Variants in TCF7L2 observed in about 807,000 individuals in gnomAD.
TCF7L2 encodes the protein transcription factor 7-like 2.
A neutral mutation model predicts 77.9 loss-of-function variants in TCF7L2; 23 were observed. The ratio of observed to expected loss-of-function variants is 0.30; its 90% CI spans 0.21 to 0.42. The LOEUF (loss-of-function observed/expected upper bound fraction) is 0.42, where lower values mean the gene tolerates loss of function less well. TCF7L2 is among the 10% of genes least tolerant of loss of function. The pLI is 1.00. For synonymous variants in TCF7L2, 413 were observed against 340.2 expected (o/e 1.21, Z -2.36); for missense variants, 654 against 793.1 (o/e 0.82, Z 2.11).
At chr10:113,066,210 A>G (rs2057235953) in intron 5 of TCF7L2, among the ~76,000 whole-genome samples, 1 of 152,126 alleles carries the variant, frequency 6.6e-6, no homozygotes, top group Non-Finnish European at 1.5e-5. Context: ...TAAAAATAAA[A>G]AAAATTTAGC....
intron 4 of TCF7L2, among the ~76,000 whole-genome samples, chr10:113,022,880 T>C (rs2048477416): frequency 6.6e-6 from 1 of 152,218 alleles, no homozygotes; most frequent in Non-Finnish European, 1.5e-5. Flanking sequence ...TTTTATATCC[T>C]CTTAGCCCAA....
At chr10:113,071,669 G>A (rs2058036084) in intron 5 of TCF7L2, among the ~76,000 whole-genome samples, 1 of 152,194 alleles carries the variant, frequency 6.6e-6, no homozygotes, top group Non-Finnish European at 1.5e-5. Context: ...TGCCTGGACT[G>A]CAACCAAGCT....
intron 4 of TCF7L2, among the ~76,000 whole-genome samples, chr10:113,007,144 A>T (rs985288796): frequency 3.3e-5 from 5 of 152,120 alleles, no homozygotes; most frequent in Non-Finnish European, 7.4e-5. Context: ...GGATGATTGG[A>T]TGGGGGCACG....
intron 5 of TCF7L2, among the ~76,000 whole-genome samples, chr10:113,088,692 C>G (rs920005204): frequency 1.3e-5 from 2 of 152,100 alleles, no homozygotes; most frequent in Non-Finnish European, 2.9e-5. Flanking sequence ...CATGGTGCCG[C>G]TTGCCTGAGA....
chr10:113,138,740 T>G (rs898696207), intron 5 of TCF7L2, among the ~76,000 whole-genome samples: 4 of 152,214 alleles, frequency 2.6e-5, no homozygotes, highest in Non-Finnish European at 5.9e-5. Flanking sequence ...CATGGCTCTT[T>G]GCCTCTGTGC....
intron 5 of TCF7L2, among the ~76,000 whole-genome samples, chr10:113,123,071 C>T (rs2065044369): frequency 6.6e-6 from 1 of 152,282 alleles, no homozygotes; most frequent in Admixed American, 6.5e-5. Flanking sequence ...GGATCAAAGG[C>T]GCTTGCTTTA....
intron 4 of TCF7L2, among the ~76,000 whole-genome samples, chr10:112,997,492 G>GATAGGCAC (rs2043689650): frequency 6.6e-6 from 1 of 152,232 alleles, no homozygotes; most frequent in South Asian, 2.1e-4. Flanking sequence ...GCCATCCAAT[G>GATAGGCAC]ATAGGCACTT....
At chr10:113,075,268 G>A in intron 5 of TCF7L2, among the ~76,000 whole-genome samples, 1 of 152,158 alleles carries the variant, frequency 6.6e-6, no homozygotes, top group Non-Finnish European at 1.5e-5. Flanking sequence ...AGACCAGCCT[G>A]GCCAACATGG....
chr10:113,027,755 C>T (rs910777548), intron 4 of TCF7L2, among the ~76,000 whole-genome samples: 2 of 152,114 alleles, frequency 1.3e-5, no homozygotes, highest in East Asian at 3.9e-4. Context: ...TTTCGACCCT[C>T]CTTCCTCCCT....
At chr10:113,104,438 C>T (rs2062018925) in intron 5 of TCF7L2, among the ~76,000 whole-genome samples, 1 of 152,096 alleles carries the variant, frequency 6.6e-6, no homozygotes, top group Non-Finnish European at 1.5e-5. Context: ...CATCTGGACA[C>T]CAGGGAGGGG....
rs113801736 is a variant in TCF7L2, at chr10:113,087,032, C to A, written c.552+46906C>A. On this transcript the variant is annotated intron_variant, in intron 5 of 13. Transcript: ENST00000627217. ...AAAAAAAAAAGGGCAATAAGTGTAG[C>A]CCAGTAACATAAGGTGGGGAATAAG... is the stretch of plus-strand genomic sequence containing the variant. Among the ~76,000 whole-genome samples, 1,047 of 152,126 alleles carry A rather than the reference C, an allele frequency of 6.9e-3. 11 individuals are homozygous for A. Among genetic ancestry groups the A allele is most frequent in the African/African-American group, 0.025 (1,016 of 41,460 alleles).
In TCF7L2 at chr10:112,951,743, C is replaced by A. The variant is rs557285830; in HGVS notation, c.381+136C>A. ...CCTCCCCTCCCTCCCTCCCCTCCCC[C>A]GCTCGTGGCCCAGGAGGCCCGAAAC... On this transcript the variant is annotated intron_variant, in intron 3 of 13. Coordinates refer to ENST00000627217, the MANE Select transcript of TCF7L2 (RefSeq NM_001146274.2). 1.5e-4 allele frequency: 50 copies of A among 325,870 alleles called. No homozygotes were observed. The South Asian group carries it at 5.3e-3, about 35-fold the overall frequency. The allele number at this position is 325,870 out of a possible 1,614,324, so 20.2% of individuals were successfully genotyped here. A position where few individuals can be genotyped will look rare whatever the true frequency, so the allele number is the denominator to read the frequency against.
At chr10:113,023,599 G>A (rs1476191166) in intron 4 of TCF7L2, among the ~76,000 whole-genome samples, 1 of 152,160 alleles carries the variant, frequency 6.6e-6, no homozygotes, top group Non-Finnish European at 1.5e-5. Flanking sequence ...AGCCTCCCCA[G>A]TAGCTGGGAC....
chr10:113,007,073 A>G (rs1564775756), intron 4 of TCF7L2, among the ~76,000 whole-genome samples: 3 of 152,196 alleles, frequency 2.0e-5, no homozygotes, highest in Admixed American at 1.3e-4. Flanking sequence ...CTTGTGTATT[A>G]CCTGGGATGA....
chr10:113,075,131 C>T (rs1179804698), intron 5 of TCF7L2, among the ~76,000 whole-genome samples: 1 of 152,142 alleles, frequency 6.6e-6, no homozygotes, highest in Admixed American at 6.5e-5. Context: ...GCTGGGATTA[C>T]AGGTATAAGC....
At chr10:113,094,243 A>G in intron 5 of TCF7L2, among the ~76,000 whole-genome samples, 1 of 152,340 alleles carries the variant, frequency 6.6e-6, no homozygotes, top group East Asian at 1.9e-4. Flanking sequence ...TGGTGAGAGG[A>G]AATGAAACTT....
chr10:113,167,074 C>G lies in TCF7L2; in HGVS notation c.*1102C>G, dbSNP rs731788. 5.2e-3 allele frequency: 1,201 copies of G among 230,806 alleles called. 12 individuals are homozygous for G. Among genetic ancestry groups the G allele is most frequent in the African/African-American group, 0.024 (1,096 of 45,312 alleles). 14.3% of individuals were successfully genotyped at this position (230,806 alleles called of 1,614,324 possible). A position where few individuals can be genotyped will look rare whatever the true frequency, so the allele number is the denominator to read the frequency against. ...TGACCGTGTACAAAACTTTACGTGC[C>G]AAAATTCTCAGTGAATTTAGCTTTC... On this transcript the variant is annotated 3_prime_UTR_variant, in exon 14 of 14. Coordinates refer to ENST00000627217, the MANE Select transcript of TCF7L2 (RefSeq NM_001146274.2).
At chr10:113,043,655 A>T (rs1396097044) in intron 5 of TCF7L2, among the ~76,000 whole-genome samples, 1 of 152,062 alleles carries the variant, frequency 6.6e-6, no homozygotes, top group Non-Finnish European at 1.5e-5. Flanking sequence ...CAGAGACATT[A>T]GCCACAAGTT....
intron 5 of TCF7L2, chr10:113,129,280 G>A (rs1419407837): frequency 2.0e-6 from 2 of 984,864 alleles, no homozygotes; most frequent in Non-Finnish European, 2.4e-6. Context: ...CAGATAAAGT[G>A]CCTGCCTCCT....
Sources: gnomAD v4.1 joint callset for allele counts (sites outside exome capture counted in the v4.1 genomes callset) on GRCh38, gnomAD v4.1.1 for gene constraint, MANE v1.5 for transcripts, NCBI Gene and HGNC (gene_info 2026-07-23, HGNC 2026-07-21) for gene names.